Variants in GAB1 observed in about 807,000 individuals in gnomAD.
GAB1 encodes GRB2 associated binding protein 1.
A neutral mutation model predicts 66.5 loss-of-function variants in GAB1; 19 were observed. That is an observed-to-expected ratio of 0.29 (90% confidence interval 0.20 to 0.42). The LOEUF is 0.42. GAB1 is among the 10% of genes least tolerant of loss of function. The pLI is 1.00. For missense variants in GAB1, 732 were observed against 858.5 expected (o/e 0.85, Z 1.84); for synonymous variants, 294 against 301.4 (o/e 0.98, Z 0.25).
chr4:143,357,228 A>G (rs1413037327), intron 1 of GAB1, among the ~76,000 whole-genome samples: 2 of 152,204 alleles, frequency 1.3e-5, no homozygotes, highest in Non-Finnish European at 2.9e-5. Context: ...GGATGCCCAG[A>G]TCATAAAGAT....
At chr4:143,446,983 G>T (rs1251546111) in intron 6 of GAB1, among the ~76,000 whole-genome samples, 5 of 152,094 alleles carry the variant, frequency 3.3e-5, no homozygotes, top group Non-Finnish European at 5.9e-5. Context: ...AAGGTGTAAG[G>T]AAGGGATCCA....
intron 3 of GAB1, among the ~76,000 whole-genome samples, chr4:143,434,901 G>A (rs1733866740): frequency 6.6e-6 from 1 of 152,114 alleles, no homozygotes; most frequent in Admixed American, 6.6e-5. Context: ...AAAAGGAGCA[G>A]AAAAATGATG....
At chr4:143,427,093 G>A (rs1733399091) in intron 2 of GAB1, among the ~76,000 whole-genome samples, 1 of 152,250 alleles carries the variant, frequency 6.6e-6, no homozygotes, top group South Asian at 2.1e-4. Flanking sequence ...AGTACTCTCA[G>A]GAAAGTGAGA....
At chr4:143,456,361 G>A (rs1301393364) in intron 6 of GAB1, among the ~76,000 whole-genome samples, 2 of 151,878 alleles carry the variant, frequency 1.3e-5, no homozygotes, top group Non-Finnish European at 2.9e-5. Flanking sequence ...GGAGGCTGAG[G>A]CAGGAGAATG....
At chr4:143,453,150 G>C (rs763424395) in intron 6 of GAB1, among the ~76,000 whole-genome samples, 2 of 152,082 alleles carry the variant, frequency 1.3e-5, no homozygotes, top group African/African-American at 4.8e-5. Flanking sequence ...GAAGCATAGA[G>C]AAATCCAGCT....
At chr4:143,434,941 C>G (rs939660872) in intron 3 of GAB1, among the ~76,000 whole-genome samples, 1 of 152,138 alleles carries the variant, frequency 6.6e-6, no homozygotes, top group African/African-American at 2.4e-5. Flanking sequence ...CCATTAGTAG[C>G]TATGTGACAA....
chr4:143,389,170 A>G (rs981848128), intron 1 of GAB1, among the ~76,000 whole-genome samples: 1 of 152,238 alleles, frequency 6.6e-6, no homozygotes, highest in Non-Finnish European at 1.5e-5. Flanking sequence ...TTTTATTTTT[A>G]TAGGAATGAT....
chr4:143,403,670 A>G lies in GAB1; in HGVS notation c.73-11807A>G, dbSNP rs28925884. On this transcript the variant is annotated intron_variant, in intron 1 of 9. Coordinates refer to ENST00000262994, the MANE Select transcript of GAB1 (RefSeq NM_002039.4). ...TATTGGCACTTGGGCTGAGCCTTCCACGTTTGCATCAGAGATCTTGATTTC... is the reference window on the plus strand; with the variant it reads ...TATTGGCACTTGGGCTGAGCCTTCCGCGTTTGCATCAGAGATCTTGATTTC... Among the ~76,000 whole-genome samples, 30 of 152,298 alleles carry G rather than the reference A, an allele frequency of 2.0e-4. No individual in the cohort carries two copies. In the East Asian group the frequency reaches 5.0e-3, roughly 25 times the overall value.
chr4:143,428,086 C>T (rs1020742895), intron 2 of GAB1, among the ~76,000 whole-genome samples: 1 of 152,182 alleles, frequency 6.6e-6, no homozygotes, highest in African/African-American at 2.4e-5. Context: ...CCTTTGAATT[C>T]CCTAGACTGC....
At chr4:143,451,424 A>G (rs1252599676) in intron 6 of GAB1, among the ~76,000 whole-genome samples, 1 of 152,114 alleles carries the variant, frequency 6.6e-6, no homozygotes, top group African/African-American at 2.4e-5. Flanking sequence ...ATTTATGATA[A>G]TGAGTTTGGA....
At position 143,403,861 on chromosome 4, in the gene GAB1, C is replaced by A. The variant is rs531529681; in HGVS notation, c.73-11616C>A. On this transcript the variant is annotated intron_variant, in intron 1 of 9. Coordinates refer to ENST00000262994, the MANE Select transcript of GAB1 (RefSeq NM_002039.4). ...AGGATGTCTTTCTAAAGAAACTTTT[C>A]ATTGCCATATATCTTGTTCTGGAAG... Among the ~76,000 whole-genome samples, 3 of 152,290 alleles carry A rather than the reference C, an allele frequency of 2.0e-5. No homozygotes were observed. The South Asian group carries it at 6.2e-4, about 32-fold the overall frequency.
chr4:143,447,054 C>G (rs937008593), intron 6 of GAB1, among the ~76,000 whole-genome samples: 4 of 152,098 alleles, frequency 2.6e-5, no homozygotes, highest in African/African-American at 9.7e-5. Context: ...AATGGGGAAT[C>G]CTTTCCCCAT....
intron 1 of GAB1, among the ~76,000 whole-genome samples, chr4:143,380,325 A>G (rs1319623768): frequency 6.6e-6 from 1 of 152,124 alleles, no homozygotes; most frequent in East Asian, 1.9e-4. Flanking sequence ...AAATCAAACT[A>G]ATTTATATGC....
chr4:143,418,154 G>T (rs1732797246), intron 2 of GAB1, among the ~76,000 whole-genome samples: 1 of 152,232 alleles, frequency 6.6e-6, no homozygotes, highest in Non-Finnish European at 1.5e-5. Context: ...AAGAGGGAAG[G>T]AAGGGTCCAG....
At chr4:143,387,174 C>T (rs892550579) in intron 1 of GAB1, among the ~76,000 whole-genome samples, 7 of 152,136 alleles carry the variant, frequency 4.6e-5, no homozygotes, top group African/African-American at 1.7e-4. Flanking sequence ...TCTTTTTGCC[C>T]AGACTGGAAT....
At chr4:143,360,986 C>T (rs1372338004) in intron 1 of GAB1, among the ~76,000 whole-genome samples, 1 of 152,120 alleles carries the variant, frequency 6.6e-6, no homozygotes, top group Admixed American at 6.5e-5. Flanking sequence ...TCATCCTTTC[C>T]CCAACAAGAC....
In GAB1 at chr4:143,405,673, A is replaced by G. The variant is rs1369788503; in HGVS notation, c.73-9804A>G. Among the ~76,000 whole-genome samples the G allele has an allele frequency of 2.0e-5, 3 of 152,200 alleles. No individual in the cohort carries two copies. In the South Asian group the frequency reaches 6.2e-4, roughly 31 times the overall value. ...ATGCTGTACACTATGCTGAACACTT[A>G]AAGAGAAATAAGACAGAATCTTGGG... is the stretch of plus-strand genomic sequence containing the variant. On this transcript the variant is annotated intron_variant, in intron 1 of 9. Transcript: ENST00000262994.
intron 1 of GAB1, among the ~76,000 whole-genome samples, chr4:143,359,786 G>A (rs1729593534): frequency 6.6e-6 from 1 of 152,182 alleles, no homozygotes; most frequent in South Asian, 2.1e-4. Flanking sequence ...GGTTGCCAGT[G>A]GCAAAGGGTG....
intron 6 of GAB1, among the ~76,000 whole-genome samples, chr4:143,452,558 T>C (rs1734981130): frequency 6.6e-6 from 1 of 152,180 alleles, no homozygotes; most frequent in Non-Finnish European, 1.5e-5. Flanking sequence ...GGTAATACTA[T>C]TAACAACCAC....
Sources: allele counts gnomAD v4.1 joint callset (sites outside exome capture counted in the v4.1 genomes callset), GRCh38; gene constraint gnomAD v4.1.1; transcripts MANE v1.5; gene names NCBI Gene and HGNC (gene_info 2026-07-23, HGNC 2026-07-21).